Variants in CEP135 observed in about 807,000 individuals in gnomAD.
The protein encoded by CEP135 is centrosomal protein of 135 kDa.
In CEP135, 142 loss-of-function variants were observed where a neutral mutation model predicts 157.3. That is an observed-to-expected ratio of 0.90 (90% CI 0.79 to 1.04). The LOEUF (loss-of-function observed/expected upper bound fraction) is 1.04. Among genes scored for constraint, CEP135 ranks in the 50% least tolerant of loss-of-function variants. The pLI, the probability that CEP135 is intolerant of heterozygous loss-of-function variation, is 0.00. For missense variants in CEP135, 1,317 were observed against 1,309.2 expected, an observed-to-expected ratio of 1.01 and a Z score of -0.09; for synonymous variants, 396 against 439.8, an observed-to-expected ratio of 0.90 and a Z score of 1.25.
chr4:55,953,176 G>C lies in CEP135; in HGVS notation c.205G>C (p.Glu69Gln). 1 of 1,608,120 alleles carries C rather than the reference G, an allele frequency of 6.2e-7. No individual in the cohort carries two copies. Among genetic ancestry groups the C allele is most frequent in the Non-Finnish European group, 8.5e-7 (1 of 1,178,264 alleles). Reference sequence around the variant, plus strand: ...AAGTGCCAATTTTGATTTTGTTTTGGAACCCTATAAACTTGAAAATGCAAG... The same window carrying C: ...AAGTGCCAATTTTGATTTTGTTTTGCAACCCTATAAACTTGAAAATGCAAG... ...KESANFDFVL[E>Q]PYKLENARLS... The change falls in exon 3 of 26, where the codon GAA becomes CAA. Residue 69 changes from glutamate to glutamine, a missense_variant. Coordinates refer to ENST00000257287, the MANE Select transcript of CEP135 (RefSeq NM_025009.5).
intron 21 of CEP135, among the ~76,000 whole-genome samples, chr4:56,014,631 C>A (rs1188721922): frequency 6.6e-6 from 1 of 152,040 alleles, no homozygotes; most frequent in Non-Finnish European, 1.5e-5. Flanking sequence ...GAGGAGATTT[C>A]CAAGCAAAGT....
Position 55,963,110 on chromosome 4 carries a change from G to T in CEP135, c.700-1164G>T, listed in dbSNP as rs569636800. Among the ~76,000 whole-genome samples the T allele has an allele frequency of 4.6e-5, 7 of 152,022 alleles. No individual in the cohort carries two copies. The East Asian group carries it at 1.4e-3, about 29-fold the overall frequency. On this transcript the variant is annotated intron_variant, in intron 6 of 25. Transcript: ENST00000257287. ...TTCTAGATCTCTTTCTCTTGCCTTC[G>T]CATACCACTCACCAAGTTCTGTCAT...
chr4:55,963,903 T>C (rs567864931), intron 6 of CEP135, among the ~76,000 whole-genome samples: 1 of 152,370 alleles, frequency 6.6e-6, no homozygotes, highest in Non-Finnish European at 1.5e-5. Flanking sequence ...ATTCATTTAT[T>C]CTACCAGGAA....
chr4:55,950,634 TTAAAA>T (rs1728334849), intron 1 of CEP135, among the ~76,000 whole-genome samples: 1 of 149,636 alleles, frequency 6.7e-6, no homozygotes, highest in African/African-American at 2.5e-5. Context: ...AAGGTAACAA[TTAAAA>T]TAAAAAAAAA....
chr4:55,961,135 C>CAACCCCA (rs1728667444), intron 6 of CEP135, among the ~76,000 whole-genome samples: 1 of 149,336 alleles, frequency 6.7e-6, no homozygotes, highest in African/African-American at 2.4e-5. Context: ...ATCATAATGT[C>CAACCCCA]AACCCCAAAA....
rs1315217324 is a variant in CEP135 at position 55,974,965 on chromosome 4, A to G, written c.1469A>G (p.Glu490Gly). 6.3e-7 allele frequency: 1 copy of G among 1,595,294 alleles called. No individual in the cohort carries two copies. The highest frequency in any genetic ancestry group is 8.6e-7 in the Non-Finnish European group (1 of 1,168,978). ...AAAAGTTCAATATTTAGAACACCAG[A>G]AAAGGTAATGTCCCTTTATAAGAGT... ...REKSSIFRTPEKGDYNSEIHQ... is the reference protein window; with the variant it reads ...REKSSIFRTPGKGDYNSEIHQ... Residue 490 changes from glutamate (E) to glycine (G), a missense_variant, in exon 11 of 26, where the codon GAA (glutamate) becomes GGA (glycine). By Grantham distance (98) the Glu-to-Gly change is moderately conservative. Coordinates refer to ENST00000257287, the MANE Select transcript of CEP135 (RefSeq NM_025009.5).
intron 17 of CEP135, among the ~76,000 whole-genome samples, chr4:56,007,825 A>G (rs1289805984): frequency 1.3e-5 from 2 of 152,178 alleles, no homozygotes; most frequent in Non-Finnish European, 2.9e-5. Flanking sequence ...TCTGTGGCCC[A>G]GGAACTGACT....
At chr4:55,975,164 A>G (rs1729160066) in intron 11 of CEP135, among the ~76,000 whole-genome samples, 195 bp downstream of exon 11, 1 of 152,238 alleles carries the variant, frequency 6.6e-6, no homozygotes. Flanking sequence ...ACTATAACAT[A>G]TAGATGACTG....
At chr4:55,993,095 A>C (rs951480140) in intron 15 of CEP135, among the ~76,000 whole-genome samples, 3 of 152,268 alleles carry the variant, frequency 2.0e-5, no homozygotes, top group South Asian at 2.1e-4. Context: ...CACTTTAAAA[A>C]AAAGATTTAA....
In CEP135 at chr4:55,981,209, A is replaced by C. The variant is rs1172970507; in HGVS notation, c.1627-18A>C. 1 of 1,557,846 alleles carries C rather than the reference A, an allele frequency of 6.4e-7. No individual in the cohort carries two copies. The highest frequency in any genetic ancestry group is 2.3e-5 in the East Asian group (1 of 42,730). On this transcript the variant is annotated intron_variant, in intron 12 of 25. Transcript: ENST00000257287. ...TTACTAAAGTGCCTTTTTAATTTAT[A>C]TCTTTTCATTCTTTAAGGCTCAGGA...
chr4:55,959,345 G>T (rs1052764018), intron 5 of CEP135, among the ~76,000 whole-genome samples: 2 of 152,188 alleles, frequency 1.3e-5, no homozygotes, highest in African/African-American at 4.8e-5. Flanking sequence ...TACTAAGTCT[G>T]TGAATTGTGG....
At chr4:55,976,955 A>G (rs371997738) in intron 11 of CEP135, among the ~76,000 whole-genome samples, 2 of 150,756 alleles carry the variant, frequency 1.3e-5, no homozygotes, top group African/African-American at 4.9e-5. Context: ...GACTATAGGC[A>G]TGTGCTACCA....
rs1205531341 is a variant in CEP135, at chr4:56,032,527, T to C, written c.*1179T>C. The C allele has an allele frequency of 6.6e-6, 1 of 152,128 alleles. No individual in the cohort carries two copies. The highest frequency in any genetic ancestry group is 1.5e-5 in the Non-Finnish European group (1 of 68,022). 9.4% of individuals were successfully genotyped at this position (152,128 alleles called of 1,614,324 possible). ...TCCAATATACATTCAGTGATACCAC[T>C]CTTTTTCTTCTAAGCCTGTGTGTTA... On this transcript the variant is annotated 3_prime_UTR_variant, in exon 26 of 26. Transcript: ENST00000257287.
At chr4:56,019,917 C>G (rs544877574) in intron 23 of CEP135, among the ~76,000 whole-genome samples, 1 of 152,158 alleles carries the variant, frequency 6.6e-6, no homozygotes, top group Non-Finnish European at 1.5e-5. Context: ...CCATCCTGGG[C>G]GACAGAGCGA....
chr4:56,018,712 A>C (rs144198668), intron 22 of CEP135, among the ~76,000 whole-genome samples: 1 of 152,204 alleles, frequency 6.6e-6, no homozygotes, highest in Non-Finnish European at 1.5e-5. Flanking sequence ...GTAAGCAGAG[A>C]TTGTGCCACT....
chr4:56,015,772 A>G (rs1339517966), intron 21 of CEP135, among the ~76,000 whole-genome samples: 1 of 152,184 alleles, frequency 6.6e-6, no homozygotes, highest in Non-Finnish European at 1.5e-5. Flanking sequence ...GTCCATATTC[A>G]GAGTCTCACC....
chr4:55,949,430 A>AC (rs1439346624), intron 1 of CEP135, among the ~76,000 whole-genome samples: 2 of 152,202 alleles, frequency 1.3e-5, no homozygotes, highest in Non-Finnish European at 2.9e-5. Context: ...GCTCTTTGTA[A>AC]CAAAAATGTC....
intron 6 of CEP135, among the ~76,000 whole-genome samples, chr4:55,963,933 G>A (rs1728762603): frequency 1.3e-5 from 2 of 152,174 alleles, no homozygotes; most frequent in Admixed American, 1.3e-4. Flanking sequence ...TTGAGATTCA[G>A]TTCTAGTACT....
intron 25 of CEP135, among the ~76,000 whole-genome samples, chr4:56,030,170 T>C (rs1731294158): frequency 6.6e-6 from 1 of 152,182 alleles, no homozygotes; most frequent in African/African-American, 2.4e-5. Context: ...TCAGGGGCAA[T>C]AACATTTACG....
Sources: gnomAD v4.1 joint callset for allele counts (sites outside exome capture counted in the v4.1 genomes callset) on GRCh38, gnomAD v4.1.1 for gene constraint, MANE v1.5 for transcripts, NCBI Gene and HGNC (gene_info 2026-07-23, HGNC 2026-07-21) for gene names.